Variants in MYO16 observed in about 807,000 individuals in gnomAD.
MYO16 encodes the protein unconventional myosin-XVI.
MYO16 carries 94 observed loss-of-function variants against 205.3 expected under a neutral mutation model. The observed-to-expected ratio is 0.46, with a 90% CI of 0.39 to 0.54. The LOEUF is 0.54. Ranked by LOEUF, MYO16 falls within the 20% of genes least tolerant of loss-of-function variation. MYO16 has a pLI of 0.00. For synonymous variants in MYO16, 988 were observed against 954.0 expected (o/e 1.04, Z -0.66); for missense variants, 2,315 against 2,387.5 (o/e 0.97, Z 0.63).
At chr13:108,947,816 A>G (rs1882995672) in intron 16 of MYO16, among the ~76,000 whole-genome samples, 2 of 152,250 alleles carry the variant, frequency 1.3e-5, no homozygotes, top group Admixed American at 1.3e-4. Context: ...CTGATTAGAA[A>G]AATATGGATG....
chr13:108,909,931 T>A, intron 15 of MYO16, 72 bp from the exon 16 acceptor site: 2 of 1,431,926 alleles, frequency 1.4e-6, no homozygotes, highest in Non-Finnish European at 1.9e-6. Flanking sequence ...TGTAATTAAT[T>A]AATATGTGTT....
intron 20 of MYO16, among the ~76,000 whole-genome samples, chr13:108,970,587 G>A (rs1320500460): frequency 6.6e-6 from 1 of 152,162 alleles, no homozygotes; most frequent in Non-Finnish European, 1.5e-5. Flanking sequence ...GGTAAAATAG[G>A]GACAGGAACA....
rs534021458 is a variant in MYO16 at position 109,055,149 on chromosome 13, A to G, written c.3129+23A>G. The G allele has an allele frequency of 2.6e-6, 4 of 1,531,740 alleles. No individual in the cohort carries two copies. In the South Asian group the frequency reaches 3.6e-5, roughly 14 times the overall value. 94.9% of individuals were successfully genotyped at this position (1,531,740 alleles called of 1,614,324 possible). Reference sequence around the variant, plus strand: ...AGGGTTAGTGACGTTTTCAGATTTCAAAAACTTAATGTATGTTTATAGCAA... The same window carrying G: ...AGGGTTAGTGACGTTTTCAGATTTCGAAAACTTAATGTATGTTTATAGCAA... On this transcript the variant is annotated intron_variant, in intron 26 of 34. Transcript: ENST00000457511. The surrounding 1 kb of genome is among the most constrained non-coding windows in gnomAD (Gnocchi z 5.0).
At chr13:108,742,084 C>A (rs886719714) in intron 4 of MYO16, among the ~76,000 whole-genome samples, 2 of 152,142 alleles carry the variant, frequency 1.3e-5, no homozygotes, top group Non-Finnish European at 2.9e-5. Context: ...CCTCCGTCCC[C>A]AGGGTACAAG....
chr13:109,134,853 C>T (rs117328056), intron 31 of MYO16, among the ~76,000 whole-genome samples: 125 of 152,246 alleles, frequency 8.2e-4, no homozygotes, highest in Non-Finnish European at 1.4e-3. Flanking sequence ...ACTGTGGTGG[C>T]CAAGGTGTTG....
At chr13:109,135,637 T>C (rs1876741865) in intron 31 of MYO16, among the ~76,000 whole-genome samples, 1 of 152,230 alleles carries the variant, frequency 6.6e-6, no homozygotes, top group Admixed American at 6.5e-5. Context: ...CAATTGGGAC[T>C]GCAGGCTCAC....
intron 16 of MYO16, among the ~76,000 whole-genome samples, chr13:108,926,884 A>G (rs562883898): frequency 8.5e-5 from 13 of 152,296 alleles, no homozygotes; most frequent in African/African-American, 3.1e-4. Context: ...CATACCACAG[A>G]AATAATTTAT....
At chr13:108,816,973 T>C (rs893399384) in intron 7 of MYO16, among the ~76,000 whole-genome samples, 2 of 152,216 alleles carry the variant, frequency 1.3e-5, no homozygotes, top group South Asian at 2.1e-4. Flanking sequence ...GTGTTCAATG[T>C]CACTAGTCAT....
intron 6 of MYO16, among the ~76,000 whole-genome samples, chr13:108,794,721 A>T (rs1886730757): frequency 6.6e-6 from 1 of 152,324 alleles, no homozygotes; most frequent in South Asian, 2.1e-4. Flanking sequence ...GGTTAGTGTG[A>T]GTTAAAATTA....
chr13:108,711,522 C>G (rs901761365), intron 2 of MYO16, among the ~76,000 whole-genome samples: 17 of 152,206 alleles, frequency 1.1e-4, no homozygotes, highest in African/African-American at 4.1e-4. Context: ...CAGGCGGAGG[C>G]CTGTCTCCCT....
intron 1 of MYO16, among the ~76,000 whole-genome samples, chr13:108,623,955 G>A (rs1285451030): frequency 6.6e-6 from 1 of 152,086 alleles, no homozygotes; most frequent in Non-Finnish European, 1.5e-5. Flanking sequence ...AAAAAATCAA[G>A]AACAGTTTGT....
chr13:108,670,512 C>G (rs1251815966), intron 2 of MYO16, among the ~76,000 whole-genome samples: 1 of 152,010 alleles, frequency 6.6e-6, no homozygotes, highest in Non-Finnish European at 1.5e-5. Flanking sequence ...CCTTGGCTAA[C>G]AGTGAGGGTG....
intron 29 of MYO16, among the ~76,000 whole-genome samples, chr13:109,122,735 C>T (rs1042552521): frequency 6.6e-6 from 1 of 150,504 alleles, no homozygotes; most frequent in East Asian, 1.9e-4. Context: ...AGATAGAAAC[C>T]ATAATCTCAT....
At chr13:108,809,463 G>T (rs1229751950) in intron 7 of MYO16, among the ~76,000 whole-genome samples, 1 of 152,148 alleles carries the variant, frequency 6.6e-6, no homozygotes, top group Non-Finnish European at 1.5e-5. Context: ...CTGGGCTTCT[G>T]GGGAGGCCTC....
intron 1 of MYO16, among the ~76,000 whole-genome samples, chr13:108,601,428 A>G (rs890184421): frequency 6.6e-6 from 1 of 152,196 alleles, no homozygotes; most frequent in Non-Finnish European, 1.5e-5. Flanking sequence ...TTATATGCAG[A>G]CGAAACAAAG....
At chr13:108,678,456 G>A (rs937540325) in intron 2 of MYO16, among the ~76,000 whole-genome samples, 25 of 151,994 alleles carry the variant, frequency 1.6e-4, no homozygotes, top group Non-Finnish European at 3.1e-4. Context: ...TAACCAACAC[G>A]TCTCGGAAGG....
At chr13:109,022,177 TTATA>T (rs1886052517) in intron 23 of MYO16, among the ~76,000 whole-genome samples, 5 of 137,276 alleles carry the variant, frequency 3.6e-5, no homozygotes, top group African/African-American at 1.5e-4. Context: ...AAATATATAT[TTATA>T]TATTATATAT....
At chr13:108,906,761 C>T (rs1458531164) in intron 15 of MYO16, among the ~76,000 whole-genome samples, 6 of 152,206 alleles carry the variant, frequency 3.9e-5, no homozygotes, top group African/African-American at 1.4e-4. Context: ...TCTTGGAGTC[C>T]AGAGGGGCCT....
At chr13:109,002,178 A>G (rs935408430) in intron 21 of MYO16, among the ~76,000 whole-genome samples, 23 of 152,278 alleles carry the variant, frequency 1.5e-4, no homozygotes, top group African/African-American at 5.5e-4. Flanking sequence ...AAAACTCCTC[A>G]ATTAATTCCA....
Sources: allele counts gnomAD v4.1 joint callset (sites outside exome capture counted in the v4.1 genomes callset), GRCh38; gene constraint gnomAD v4.1.1; non-coding constraint Gnocchi (gnomAD v3.1); transcripts MANE v1.5; gene names NCBI Gene and HGNC (gene_info 2026-07-23, HGNC 2026-07-21).